Variants in TRHDE observed in about 807,000 individuals in gnomAD.
The protein encoded by TRHDE is thyrotropin releasing hormone degrading enzyme, also known as thyrotropin-releasing hormone-degrading ectoenzyme.
A neutral mutation model predicts 125.7 loss-of-function variants in TRHDE; 72 were observed. The ratio of observed to expected loss-of-function variants is 0.57; its 90% CI spans 0.47 to 0.70. The LOEUF (loss-of-function observed/expected upper bound fraction) is 0.70. TRHDE is among the 30% of genes least tolerant of loss of function. The pLI, the probability that TRHDE is intolerant of heterozygous loss-of-function variation, is 0.00. For missense variants in TRHDE, 1,110 were observed against 1,327.1 expected (o/e 0.84, Z 2.54); for synonymous variants, 509 against 509.1 (o/e 1.00, Z 0.00).
At chr12:72,581,086 T>G (rs1871203647) in intron 12 of TRHDE, among the ~76,000 whole-genome samples, 1 of 152,112 alleles carries the variant, frequency 6.6e-6, no homozygotes, top group Admixed American at 6.5e-5. Flanking sequence ...AATAAACGTA[T>G]GGCAGAACTA....
intron 3 of TRHDE, among the ~76,000 whole-genome samples, chr12:72,381,714 A>G (rs1409293809): frequency 6.6e-6 from 1 of 152,166 alleles, no homozygotes; most frequent in Non-Finnish European, 1.5e-5. Flanking sequence ...TTAATAGTGA[A>G]CGAAATATGT....
chr12:72,143,761 A>G (rs1446097208), intron 2 of TRHDE, among the ~76,000 whole-genome samples: 1 of 151,996 alleles, frequency 6.6e-6, no homozygotes, highest in Non-Finnish European at 1.5e-5. Context: ...AGTGATGGCT[A>G]TGATGTGTGT....
intron 2 of TRHDE, among the ~76,000 whole-genome samples, chr12:72,225,563 G>T (rs888477328): frequency 3.9e-5 from 6 of 152,096 alleles, no homozygotes; most frequent in South Asian, 2.1e-4. Context: ...TTTCATCCCA[G>T]TTTGGAAAAA....
At chr12:72,425,285 A>G (rs1008795833) in intron 3 of TRHDE, among the ~76,000 whole-genome samples, 1 of 152,170 alleles carries the variant, frequency 6.6e-6, no homozygotes, top group Non-Finnish European at 1.5e-5. Context: ...TTCCATTTCT[A>G]TAGCTAATGC....
At chr12:72,200,111 CTT>C (rs972505955) in intron 2 of TRHDE, among the ~76,000 whole-genome samples, 7 of 152,138 alleles carry the variant, frequency 4.6e-5, no homozygotes, top group African/African-American at 1.7e-4. Context: ...ACTAAAGAGT[CTT>C]TTTATTTCTT....
chr12:72,258,900 C>CATTGCATTTGATTAGGTGACATATGAT (rs1878882626), intron 2 of TRHDE, among the ~76,000 whole-genome samples: 1 of 152,138 alleles, frequency 6.6e-6, no homozygotes, highest in Non-Finnish European at 1.5e-5. Flanking sequence ...GTGTTTTTCT[C>CATTGCATTTGATTAGGTGACATATGAT]ATTGCATTTG....
At chr12:72,370,737 TG>T (rs1350144820) in intron 2 of TRHDE, among the ~76,000 whole-genome samples, 3 of 152,160 alleles carry the variant, frequency 2.0e-5, no homozygotes, top group African/African-American at 7.2e-5. Flanking sequence ...AAGAATGTAT[TG>T]TTAATGTTAT....
intron 2 of TRHDE, among the ~76,000 whole-genome samples, chr12:72,355,314 C>A (rs559280194): frequency 6.6e-6 from 1 of 151,490 alleles, no homozygotes; most frequent in East Asian, 2.0e-4. Context: ...AGAAGGTGTT[C>A]AAGATTAAAC....
intron 3 of TRHDE, among the ~76,000 whole-genome samples, chr12:72,447,260 A>G (rs142571455): frequency 0.041 from 6,166 of 152,212 alleles, 448 homozygotes; most frequent in African/African-American, 0.14. Context: ...CTGCTCCTGA[A>G]TGGCTACTGG....
At chr12:72,247,535 G>A (rs73349094) in intron 2 of TRHDE, among the ~76,000 whole-genome samples, 7,626 of 152,186 alleles carry the variant, frequency 0.05, 654 homozygotes, top group African/African-American at 0.17. Flanking sequence ...GATTGGGATA[G>A]GCCTGGCCAT....
chr12:72,549,189 C>A (rs1331716077), intron 7 of TRHDE, among the ~76,000 whole-genome samples: 1 of 151,798 alleles, frequency 6.6e-6, no homozygotes, highest in African/African-American at 2.4e-5. Context: ...AAGGTAATGA[C>A]AGGCACAAAG....
intron 2 of TRHDE, among the ~76,000 whole-genome samples, chr12:72,226,299 G>A (rs1212348887): frequency 6.6e-6 from 1 of 152,174 alleles, no homozygotes; most frequent in Non-Finnish European, 1.5e-5. Context: ...AGCCCTTTGT[G>A]TATGAGGAGA....
At chr12:72,242,315 C>T (rs528670256) in intron 2 of TRHDE, among the ~76,000 whole-genome samples, 98 of 152,164 alleles carry the variant, frequency 6.4e-4, no homozygotes, top group Admixed American at 3.5e-3. Context: ...TCCCTTTTTG[C>T]GGTTGGAAAG....
chr12:72,573,226 A>T (rs1239331206), intron 10 of TRHDE, among the ~76,000 whole-genome samples: 1 of 151,902 alleles, frequency 6.6e-6, no homozygotes, highest in African/African-American at 2.4e-5. Flanking sequence ...ATTAATTAAG[A>T]TCTCTGTTTT....
intron 2 of TRHDE, among the ~76,000 whole-genome samples, chr12:72,242,940 G>T (rs1333462167): frequency 6.6e-6 from 1 of 152,184 alleles, no homozygotes; most frequent in African/African-American, 2.4e-5. Context: ...TGGTTAAAGA[G>T]ATATGAAGGA....
At chr12:72,526,389 G>A (rs1453054200) in intron 6 of TRHDE, among the ~76,000 whole-genome samples, 1 of 151,986 alleles carries the variant, frequency 6.6e-6, no homozygotes, top group Non-Finnish European at 1.5e-5. Context: ...TCAGCTTTTG[G>A]TAGAAGATTT....
intron 1 of TRHDE, among the ~76,000 whole-genome samples, chr12:72,092,640 A>C (rs548743143): frequency 6.6e-6 from 1 of 152,234 alleles, no homozygotes; most frequent in African/African-American, 2.4e-5. Context: ...CTTAGACTGC[A>C]TGCAAACAGT....
chr12:72,436,831 T>G (rs143389660), intron 3 of TRHDE, among the ~76,000 whole-genome samples: 1 of 152,034 alleles, frequency 6.6e-6, no homozygotes, highest in East Asian at 1.9e-4. Context: ...ACTCCTTTCT[T>G]AAGTGTCATA....
chr12:72,342,526 A>C (rs1488635668), intron 2 of TRHDE, among the ~76,000 whole-genome samples: 1 of 152,164 alleles, frequency 6.6e-6, no homozygotes, highest in African/African-American at 2.4e-5. Context: ...TGGTTAGTAT[A>C]GGCGATTGAG....
Sources: allele counts gnomAD v4.1 joint callset (sites outside exome capture counted in the v4.1 genomes callset), GRCh38; gene constraint gnomAD v4.1.1; transcripts MANE v1.5; gene names NCBI Gene and HGNC (gene_info 2026-07-23, HGNC 2026-07-21).